Variants in SLC5A4 observed in about 807,000 individuals in gnomAD.
SLC5A4 encodes the protein solute carrier family 5 member 4.
A neutral mutation model predicts 70.3 loss-of-function variants in SLC5A4; 55 were observed. The ratio of observed to expected loss-of-function variants is 0.78; its 90% confidence interval spans 0.63 to 0.98. The LOEUF is 0.98. Ranked by LOEUF, SLC5A4 falls within the 50% of genes least tolerant of loss-of-function variation. The pLI is 0.00. For missense variants in SLC5A4, 735 were observed against 839.2 expected (o/e 0.88, Z 1.53); for synonymous variants, 268 against 305.7 (o/e 0.88, Z 1.29).
At chr22:32,296,339 G>A in the SLC5A4 span, among the ~76,000 whole-genome samples, 62 of 78,664 alleles carry the variant, frequency 7.9e-4, no homozygotes, top group African/African-American at 2.8e-3. Context: ...TCCTTGAGCA[G>A]TGGTTTGTAG....
chr22:32,290,428 G>C, the SLC5A4 span, among the ~76,000 whole-genome samples: 1 of 152,138 alleles, frequency 6.6e-6, no homozygotes, highest in African/African-American at 2.4e-5. Context: ...TAGTGGGAAA[G>C]ATTTGGTTAT....
chr22:32,279,316 G>T, the SLC5A4 span, among the ~76,000 whole-genome samples: 6,190 of 152,266 alleles, frequency 0.041, 176 homozygotes, highest in African/African-American at 0.081. Flanking sequence ...AGAACTTGCT[G>T]CTATAAAATT....
At chr22:32,275,189 A>G in the SLC5A4 span, among the ~76,000 whole-genome samples, 1 of 152,240 alleles carries the variant, frequency 6.6e-6, no homozygotes, top group African/African-American at 2.4e-5. Flanking sequence ...ATCAAGGTGC[A>G]TACTCTGAAC....
At chr22:32,293,997 G>A in the SLC5A4 span, among the ~76,000 whole-genome samples, 2 of 152,012 alleles carry the variant, frequency 1.3e-5, no homozygotes, top group Non-Finnish European at 2.9e-5. Flanking sequence ...CTTCCTTGAA[G>A]TTAATCTCCA....
At chr22:32,314,925 T>C in the SLC5A4 span, among the ~76,000 whole-genome samples, 47 of 152,274 alleles carry the variant, frequency 3.1e-4, no homozygotes, top group African/African-American at 1.1e-3. Context: ...CATGATTCAA[T>C]TACCTCCCAC....
chr22:32,240,437 G>GTA (rs3069416), intron 5 of SLC5A4, among the ~76,000 whole-genome samples: 179 of 149,412 alleles, frequency 1.2e-3, no homozygotes, highest in Admixed American at 3.1e-3. Context: ...ATATATGTGT[G>GTA]TATATATATA....
At chr22:32,334,250 C>CT in the SLC5A4 span, among the ~76,000 whole-genome samples, 7 of 152,132 alleles carry the variant, frequency 4.6e-5, no homozygotes, top group African/African-American at 1.7e-4. Context: ...CACCTCTGCC[C>CT]TCTCCACCTC....
At chr22:32,228,299 G>T (rs1429642802) in intron 11 of SLC5A4, among the ~76,000 whole-genome samples, 1 of 151,234 alleles carries the variant, frequency 6.6e-6, no homozygotes, top group East Asian at 1.9e-4. Context: ...CCAGCACTTT[G>T]GGAGGCCGAG....
At chr22:32,284,806 C>G in the SLC5A4 span, 26 of 152,244 alleles carry the variant, frequency 1.7e-4, no homozygotes, top group African/African-American at 5.5e-4. Context: ...ACACAAAAGA[C>G]CACAATGATC....
chr22:32,333,316 G>A, the SLC5A4 span, among the ~76,000 whole-genome samples: 1 of 152,106 alleles, frequency 6.6e-6, no homozygotes, highest in Non-Finnish European at 1.5e-5. Flanking sequence ...TAGAGGATGG[G>A]GAGAGGCCTC....
At chr22:32,265,670 T>C in the SLC5A4 span, among the ~76,000 whole-genome samples, 1 of 152,060 alleles carries the variant, frequency 6.6e-6, no homozygotes, top group Non-Finnish European at 1.5e-5. Context: ...TGAAACCCCC[T>C]CTCTACTAAA....
intron 5 of SLC5A4, among the ~76,000 whole-genome samples, chr22:32,247,101 G>C (rs1242382682): frequency 2.0e-5 from 3 of 152,192 alleles, no homozygotes; most frequent in Non-Finnish European, 2.9e-5. Context: ...CTACTAAAGA[G>C]CTGTGTTACT....
At chr22:32,306,999 C>G in the SLC5A4 span, among the ~76,000 whole-genome samples, 24 of 152,302 alleles carry the variant, frequency 1.6e-4, no homozygotes, top group African/African-American at 5.5e-4. Context: ...AGGGATGGCG[C>G]TGACCAATGT....
At chr22:32,338,805 G>C in the SLC5A4 span, among the ~76,000 whole-genome samples, 7 of 151,962 alleles carry the variant, frequency 4.6e-5, no homozygotes, top group African/African-American at 7.3e-5. Flanking sequence ...CCATAAAACT[G>C]TCACCCCCTT....
At chr22:32,260,674 G>GC in the SLC5A4 span, among the ~76,000 whole-genome samples, 40 of 146,750 alleles carry the variant, frequency 2.7e-4, 3 homozygotes, top group East Asian at 7.6e-3. Flanking sequence ...TGCACTCTGA[G>GC]CAATGAGGTC....
the SLC5A4 span, among the ~76,000 whole-genome samples, chr22:32,354,530 G>A: frequency 6.6e-6 from 1 of 151,800 alleles, no homozygotes; most frequent in African/African-American, 2.4e-5. Context: ...CAAGGGCAAT[G>A]CAACACCCGA....
At chr22:32,287,246 A>C in the SLC5A4 span, among the ~76,000 whole-genome samples, 1 of 152,210 alleles carries the variant, frequency 6.6e-6, no homozygotes, top group Non-Finnish European at 1.5e-5. Flanking sequence ...GCTGAGTTTC[A>C]CAGTCCAAAC....
chr22:32,327,919 G>A, the SLC5A4 span, among the ~76,000 whole-genome samples: 289 of 152,306 alleles, frequency 1.9e-3, 1 homozygote, highest in Middle Eastern at 6.8e-3. Context: ...GGCCTCTAAT[G>A]TGGCCCAAGA....
At chr22:32,316,125 AG>A in the SLC5A4 span, among the ~76,000 whole-genome samples, 1 of 145,956 alleles carries the variant, frequency 6.9e-6, no homozygotes. Flanking sequence ...AAAAAAAAAA[AG>A]GGCAGATGAT....
Sources: gnomAD v4.1 joint callset for allele counts (sites outside exome capture counted in the v4.1 genomes callset) on GRCh38, gnomAD v4.1.1 for gene constraint, MANE v1.5 for transcripts, NCBI Gene and HGNC (gene_info 2026-07-23, HGNC 2026-07-21) for gene names.